Variants in DIPK1A observed in about 807,000 individuals in gnomAD.
The protein encoded by DIPK1A is divergent protein kinase domain 1A.
Under a neutral mutation model 40.8 loss-of-function variants are expected in DIPK1A, and 27 were observed. The ratio of observed to expected loss-of-function variants is 0.66; its 90% CI spans 0.49 to 0.91. DIPK1A has a LOEUF of 0.91. Ranked by LOEUF, DIPK1A falls within the 40% of genes least tolerant of loss-of-function variation. The pLI, the probability that DIPK1A is intolerant of heterozygous loss-of-function variation, is 0.00. For synonymous variants in DIPK1A, 166 were observed against 171.3 expected (o/e 0.97, Z 0.24); for missense variants, 412 against 505.7 (o/e 0.81, Z 1.78).
chr1:92,960,015 C>G (rs1417461354), intron 1 of DIPK1A, among the ~76,000 whole-genome samples: 1 of 149,304 alleles, frequency 6.7e-6, no homozygotes, highest in Non-Finnish European at 1.5e-5. Context: ...CTCGGCCTCC[C>G]AAGTGCCGGG....
intron 2 of DIPK1A, among the ~76,000 whole-genome samples, chr1:92,866,447 C>T (rs1647547725): frequency 6.6e-6 from 1 of 152,166 alleles, no homozygotes; most frequent in Admixed American, 6.5e-5. Flanking sequence ...AGCCTTTCCC[C>T]ACTATTCTAT....
At chr1:92,946,574 G>T (rs1038643434) in intron 1 of DIPK1A, among the ~76,000 whole-genome samples, 3 of 152,158 alleles carry the variant, frequency 2.0e-5, no homozygotes, top group Non-Finnish European at 4.4e-5. Flanking sequence ...AATGGAGAGG[G>T]ATAATGATGT....
At chr1:92,840,956 G>A, downstream of DIPK1A, 1 of 455,852 alleles carries the variant, frequency 2.2e-6, no homozygotes, top group Non-Finnish European at 4.2e-6. Context: ...TAATGAACAT[G>A]TAAGCATAAA....
chr1:92,834,961 GGAGAGT>G, intron 4 of DIPK1A: 1 of 1,599,376 alleles, frequency 6.3e-7, no homozygotes, highest in Non-Finnish European at 8.5e-7. Flanking sequence ...CTGATTGCTT[GGAGAGT>G]TTTCTGCAAG....
At chr1:92,836,690 C>T (rs1687143947) in intron 4 of DIPK1A, 1 of 348,228 alleles carries the variant, frequency 2.9e-6, no homozygotes. Context: ...TGAGCAACTC[C>T]ATCCTCTTTC....
At chr1:92,948,679 A>ATATG (rs1491399581) in intron 1 of DIPK1A, among the ~76,000 whole-genome samples, 1 of 77,352 alleles carries the variant, frequency 1.3e-5, no homozygotes, top group East Asian at 2.1e-4. Context: ...GTATATATAC[A>ATATG]TGTATATGTA....
intron 1 of DIPK1A, among the ~76,000 whole-genome samples, chr1:92,917,447 T>G (rs1038971676): frequency 1.3e-5 from 2 of 152,204 alleles, no homozygotes; most frequent in African/African-American, 4.8e-5. Flanking sequence ...CCTGAAATGG[T>G]AGAAAAGGCT....
Position 92,904,775 on chromosome 1 carries a change from T to A in DIPK1A, c.55-28345A>T, listed in dbSNP as rs145659450. Among the ~76,000 whole-genome samples, 218 of 152,244 alleles carry A rather than the reference T, an allele frequency of 1.4e-3. 5 individuals carry two copies. The East Asian group carries it at 0.039, about 28-fold the overall frequency. ...CTTATTCATTCTAACTATATTTTCA[T>A]ACCCATTAACTATCCCCACTTCCCG... On this transcript the variant is annotated intron_variant, in intron 1 of 4. Transcript: ENST00000370310.
intron 1 of DIPK1A, among the ~76,000 whole-genome samples, chr1:92,882,681 AT>A (rs770686063): frequency 1.3e-5 from 2 of 152,140 alleles, no homozygotes; most frequent in Non-Finnish European, 2.9e-5. Context: ...TATTCCACTG[AT>A]TTTTCAGTAA....
downstream of DIPK1A, chr1:92,841,980 T>A: frequency 1.0e-6 from 1 of 965,668 alleles, no homozygotes; most frequent in East Asian, 2.9e-5. Flanking sequence ...CTGAAATATT[T>A]TGGAAAAGCA....
chr1:92,948,652 CGTATATATACATATGT>C (rs919645110), intron 1 of DIPK1A, among the ~76,000 whole-genome samples: 6 of 141,754 alleles, frequency 4.2e-5, no homozygotes, highest in Admixed American at 2.8e-4. Flanking sequence ...AATATATATA[CGTATATATACATATGT>C]GTATATATAC....
chr1:92,863,679 A>G (rs1335824956), intron 2 of DIPK1A, among the ~76,000 whole-genome samples: 2 of 151,560 alleles, frequency 1.3e-5, no homozygotes, highest in African/African-American at 2.4e-5. Context: ...TAGATTTTTT[A>G]TAAGTTCATA....
chr1:92,837,711 C>G, downstream of DIPK1A: 7 of 1,174,130 alleles, frequency 6.0e-6, no homozygotes, highest in Non-Finnish European at 8.8e-6. Flanking sequence ...GGGCAGGTAA[C>G]ATTCTTATAT....
chr1:92,888,672 T>G (rs1346160878), intron 1 of DIPK1A, among the ~76,000 whole-genome samples: 1 of 152,194 alleles, frequency 6.6e-6, no homozygotes, highest in Non-Finnish European at 1.5e-5. Flanking sequence ...AGTTCCTACT[T>G]CTCCACATCC....
At chr1:92,897,740 T>C (rs1444327656) in intron 1 of DIPK1A, among the ~76,000 whole-genome samples, 1 of 151,320 alleles carries the variant, frequency 6.6e-6, no homozygotes, top group East Asian at 1.9e-4. Flanking sequence ...TTGTAACATA[T>C]CAGAAGTTCC....
intron 1 of DIPK1A, among the ~76,000 whole-genome samples, chr1:92,901,743 T>C (rs1029713642): frequency 5.3e-5 from 8 of 152,054 alleles, no homozygotes; most frequent in African/African-American, 1.9e-4. Flanking sequence ...CCCAGAATAA[T>C]GGAACACAGC....
rs564362314 is a variant in DIPK1A at position 92,854,341 on chromosome 1, T to C, written c.190-3386A>G. Reference sequence around the variant, plus strand: ...AAAACAGAAACAGAAATATCTGTTATGTAATTTGTTCACAACTACAAAATA... The same window carrying C: ...AAAACAGAAACAGAAATATCTGTTACGTAATTTGTTCACAACTACAAAATA... On this transcript the variant is annotated intron_variant, in intron 2 of 4. Coordinates refer to ENST00000370310, the MANE Select transcript of DIPK1A (RefSeq NM_001006605.5). Among the ~76,000 whole-genome samples, 15 of 152,362 alleles carry C rather than the reference T, an allele frequency of 9.8e-5. No homozygotes were observed. The South Asian group carries it at 1.7e-3, about 17-fold the overall frequency.
At chr1:92,914,488 G>A (rs1029156245) in intron 1 of DIPK1A, among the ~76,000 whole-genome samples, 5 of 152,094 alleles carry the variant, frequency 3.3e-5, no homozygotes, top group Non-Finnish European at 5.9e-5. Flanking sequence ...AGTGGGCACC[G>A]GCCAGGCACG....
chr1:92,913,644 C>T (rs1649931198), intron 1 of DIPK1A, among the ~76,000 whole-genome samples: 1 of 152,158 alleles, frequency 6.6e-6, no homozygotes, highest in Non-Finnish European at 1.5e-5. Flanking sequence ...ATTGAACTGA[C>T]ACACAGAGGG....
Sources: gnomAD v4.1 joint callset for allele counts (sites outside exome capture counted in the v4.1 genomes callset) on GRCh38, gnomAD v4.1.1 for gene constraint, MANE v1.5 for transcripts, NCBI Gene and HGNC (gene_info 2026-07-23, HGNC 2026-07-21) for gene names.